ANKRD55: variants seen among roughly 807,000 people sequenced by gnomAD.
ANKRD55 encodes the protein ankyrin repeat domain-containing protein 55.
A neutral mutation model predicts 60.6 loss-of-function variants in ANKRD55; 41 were observed. That is an observed-to-expected ratio of 0.68 (90% CI 0.53 to 0.88). The LOEUF is 0.88. Among genes scored for constraint, ANKRD55 ranks in the 40% least tolerant of loss-of-function variants. The pLI is 0.00. For missense variants in ANKRD55, 732 were observed against 767.6 expected, an observed-to-expected ratio of 0.95 and a Z score of 0.55; for synonymous variants, 264 against 290.3, an observed-to-expected ratio of 0.91 and a Z score of 0.92.
chr5:56,166,475 C>T (rs1294838146), intron 5 of ANKRD55, among the ~76,000 whole-genome samples: 1 of 151,916 alleles, frequency 6.6e-6, no homozygotes, highest in East Asian at 1.9e-4. Flanking sequence ...GTTGCCTAAG[C>T]TGGTCTTGAA....
At chr5:56,131,633 T>A (rs1260452488) in intron 7 of ANKRD55, among the ~76,000 whole-genome samples, 1 of 151,182 alleles carries the variant, frequency 6.6e-6, no homozygotes, top group Non-Finnish European at 1.5e-5. Context: ...CCGTCTCTGC[T>A]AAAAATACAA....
At chr5:56,127,282 C>T in intron 7 of ANKRD55, 176 bp from the exon 8 acceptor site, 7 of 985,028 alleles carry the variant, frequency 7.1e-6, no homozygotes, top group Non-Finnish European at 8.4e-6. Context: ...CTAAGCTCTC[C>T]AACAAGTGTC....
At position 56,100,317 on chromosome 5, in the gene ANKRD55, AAT is replaced by A; in HGVS notation, c.1724-15_1724-14del. On this transcript the variant is annotated splice_polypyrimidine_tract_variant and intron_variant, in intron 11 of 11. Coordinates refer to ENST00000341048, the MANE Select transcript of ANKRD55 (RefSeq NM_024669.3). Reference sequence around the variant, plus strand: ...TCTCCAGATAGAACTGGGAAGAAAGAATAGAACAAGAGACTTTCAAGATTTGC... The same window carrying A: ...TCTCCAGATAGAACTGGGAAGAAAGAAGAACAAGAGACTTTCAAGATTTGC... 2 of 1,614,104 alleles carry A rather than the reference AAT, an allele frequency of 1.2e-6. No homozygotes were observed. The highest frequency in any genetic ancestry group is 1.7e-6 in the Non-Finnish European group (2 of 1,179,974).
intron 5 of ANKRD55, among the ~76,000 whole-genome samples, chr5:56,163,066 T>C (rs777924539): frequency 6.6e-6 from 1 of 152,208 alleles, no homozygotes; most frequent in African/African-American, 2.4e-5. Context: ...TGATATGTGA[T>C]GATCTATGTG....
intron 2 of ANKRD55, among the ~76,000 whole-genome samples, chr5:56,196,253 A>C (rs1759225540): frequency 6.6e-6 from 1 of 152,254 alleles, no homozygotes; most frequent in African/African-American, 2.4e-5. Flanking sequence ...TTCTTAGAAC[A>C]CTGTCTGTCC....
At chr5:56,144,945 CA>C (rs950248486) in intron 6 of ANKRD55, among the ~76,000 whole-genome samples, 1 of 152,028 alleles carries the variant, frequency 6.6e-6, no homozygotes, top group Non-Finnish European at 1.5e-5. Context: ...ATAAAGGGGG[CA>C]AAGGGCATGG....
intron 10 of ANKRD55, among the ~76,000 whole-genome samples, chr5:56,104,143 A>G (rs1756377369): frequency 6.6e-6 from 1 of 152,214 alleles, no homozygotes; most frequent in Non-Finnish European, 1.5e-5. Context: ...CAACGAGATA[A>G]TAATTTTGAG....
At chr5:56,128,868 G>A (rs1251957406) in intron 7 of ANKRD55, among the ~76,000 whole-genome samples, 2 of 152,204 alleles carry the variant, frequency 1.3e-5, no homozygotes, top group Non-Finnish European at 2.9e-5. Context: ...TATTCTGTCT[G>A]TGATTAAAAA....
chr5:56,214,769 C>A (rs965775347), intron 2 of ANKRD55, among the ~76,000 whole-genome samples: 1 of 152,220 alleles, frequency 6.6e-6, no homozygotes. Flanking sequence ...CTTCCAGGAT[C>A]CATCCTTAAA....
At chr5:56,143,765 T>C (rs771590485) in intron 7 of ANKRD55, 36 bp downstream of exon 7, 1 of 1,613,340 alleles carries the variant, frequency 6.2e-7, no homozygotes, top group Non-Finnish European at 8.5e-7. Context: ...TTTCCACCAT[T>C]TAAACCTGAG....
At chr5:56,188,345 G>A (rs1193690077) in intron 2 of ANKRD55, among the ~76,000 whole-genome samples, 3 of 139,310 alleles carry the variant, frequency 2.2e-5, no homozygotes, top group Non-Finnish European at 4.6e-5. Context: ...CCCTGCCCCC[G>A]CAACCCCGCC....
At chr5:56,176,089 C>T (rs1758730529) in intron 4 of ANKRD55, 63 bp downstream of exon 4, 1 of 1,597,056 alleles carries the variant, frequency 6.3e-7, no homozygotes, top group Non-Finnish European at 8.5e-7. Flanking sequence ...GCAACTGGGA[C>T]CCCATAATGA....
intron 10 of ANKRD55, among the ~76,000 whole-genome samples, chr5:56,105,719 A>G (rs1019841525): frequency 2.0e-5 from 3 of 152,100 alleles, no homozygotes; most frequent in Non-Finnish European, 4.4e-5. Context: ...CCAGTTTAGA[A>G]CCCTGGCCTT....
In ANKRD55 at chr5:56,127,126, A is replaced by G. The variant is rs1352372515; in HGVS notation, c.613-20T>C. The G allele has an allele frequency of 6.9e-6, 11 of 1,588,222 alleles. No homozygotes were observed. ...TCCACTCTGGAAAAGAGAGTCAAAG[A>G]AAGCCCATTATGTACAATCCAGTGT... On this transcript the variant is annotated intron_variant, in intron 7 of 11. Transcript: ENST00000341048.
At chr5:56,132,518 G>A (rs978205174) in intron 7 of ANKRD55, among the ~76,000 whole-genome samples, 17 of 150,024 alleles carry the variant, frequency 1.1e-4, no homozygotes, top group Admixed American at 5.3e-4. Context: ...GTGAACCTGA[G>A]AGGCGGAGCT....
chr5:56,159,483 G>A (rs1001232661), intron 6 of ANKRD55, among the ~76,000 whole-genome samples: 34 of 151,884 alleles, frequency 2.2e-4, no homozygotes, highest in African/African-American at 7.3e-4. Context: ...AAGAGAGCAC[G>A]TCTTGAGCCA....
chr5:56,162,824 C>T (rs1341771731), intron 5 of ANKRD55, among the ~76,000 whole-genome samples: 1 of 152,052 alleles, frequency 6.6e-6, no homozygotes, highest in Non-Finnish European at 1.5e-5. Flanking sequence ...CAGGTGTGCA[C>T]CATCACGCCC....
intron 2 of ANKRD55, among the ~76,000 whole-genome samples, chr5:56,188,355 C>G (rs1179995528): frequency 1.9e-4 from 26 of 139,680 alleles, no homozygotes; most frequent in African/African-American, 6.4e-4. Flanking sequence ...GCAACCCCGC[C>G]ACCCCCCTAC....
chr5:56,121,688 T>TA (rs1757068495), intron 8 of ANKRD55, among the ~76,000 whole-genome samples: 3 of 152,060 alleles, frequency 2.0e-5, no homozygotes, highest in Non-Finnish European at 1.5e-5. Flanking sequence ...CACCACTTTT[T>TA]AAAAAAGATT....
Sources: gnomAD v4.1 joint callset for allele counts (sites outside exome capture counted in the v4.1 genomes callset) on GRCh38, gnomAD v4.1.1 for gene constraint, MANE v1.5 for transcripts, NCBI Gene and HGNC (gene_info 2026-07-23, HGNC 2026-07-21) for gene names.